APBA1: variants seen among roughly 807,000 people sequenced by gnomAD.
APBA1 encodes the protein amyloid beta precursor protein binding family A member 1.
APBA1 carries 55 observed loss-of-function variants against 86.6 expected under a neutral mutation model. The observed-to-expected ratio is 0.64, with a 90% CI of 0.51 to 0.80. The LOEUF is 0.80. Among genes scored for constraint, APBA1 ranks in the 30% least tolerant of loss-of-function variants. APBA1 has a pLI of 0.00. For synonymous variants in APBA1, 511 were observed against 493.9 expected (o/e 1.03, Z -0.46); for missense variants, 1,090 against 1,183.0 (o/e 0.92, Z 1.15).
rs572458773 is a variant in APBA1 at position 69,552,367 on chromosome 9, G to A, written c.-69-35088C>T. 1.9e-4 allele frequency among the ~76,000 whole-genome samples: 29 copies of A among 152,222 alleles called. 1 individual carries two copies. In the South Asian group the frequency reaches 5.6e-3, roughly 29 times the overall value. ...GCGAATGGAGAGTAATCAGCTAATG[G>A]CTCATTATTTATGTATAAAATGAAG... On this transcript the variant is annotated intron_variant, in intron 1 of 12. Transcript: ENST00000265381.
chr9:69,636,830 AGGGAGGGAGGGAGG>A (rs1427154654), intron 1 of APBA1, among the ~76,000 whole-genome samples: 3 of 5,842 alleles, frequency 5.1e-4, no homozygotes, highest in Admixed American at 2.0e-3. Flanking sequence ...AGAGAGAGAG[AGGGAGGGAGGGAGG>A]GAGGGAGGGA....
rs906284777 is a variant in APBA1 at position 69,476,051 on chromosome 9, T to G, written c.1293A>C (p.Lys431Asn). Reference protein sequence around the residue: ...PSDPVEASTNKESRKSLASFP... With the variant: ...PSDPVEASTNNESRKSLASFP... ...TGGTAACAAAACAGCACCCTACCTCTTTATTAGTGGACGCTTCCACAGGGT... is the reference window on the plus strand; with the variant it reads ...TGGTAACAAAACAGCACCCTACCTCGTTATTAGTGGACGCTTCCACAGGGT... Residue 431 changes from lysine to asparagine, a missense_variant, in exon 3 of 13, where the codon AAA (lysine) becomes AAC (asparagine). By Grantham distance (94) the Lys-to-Asn change is moderately conservative. Coordinates refer to ENST00000265381, the MANE Select transcript of APBA1 (RefSeq NM_001163.4). The G allele has an allele frequency of 1.2e-6, 2 of 1,613,784 alleles. No individual in the cohort carries two copies. Among genetic ancestry groups the G allele is most frequent in the Non-Finnish European group, 1.7e-6 (2 of 1,179,702 alleles).
intron 1 of APBA1, among the ~76,000 whole-genome samples, chr9:69,548,581 T>A (rs1836735390): frequency 6.6e-6 from 1 of 152,170 alleles, no homozygotes; most frequent in Admixed American, 6.5e-5. Context: ...TTCTGACAAA[T>A]TAACGGACTG....
At chr9:69,634,523 G>C (rs1190565614) in intron 1 of APBA1, among the ~76,000 whole-genome samples, 1 of 152,146 alleles carries the variant, frequency 6.6e-6, no homozygotes, top group Non-Finnish European at 1.5e-5. Context: ...CTTAAAATAG[G>C]AGGTAGAGAG....
At chr9:69,668,125 T>A (rs573982238) in intron 1 of APBA1, among the ~76,000 whole-genome samples, 2 of 152,200 alleles carry the variant, frequency 1.3e-5, no homozygotes, top group Admixed American at 1.3e-4. Flanking sequence ...GCTTCTTCTT[T>A]CTTCATTTTC....
chr9:69,653,690 A>G (rs1317504573), intron 1 of APBA1, among the ~76,000 whole-genome samples: 1 of 152,250 alleles, frequency 6.6e-6, no homozygotes, highest in African/African-American at 2.4e-5. Context: ...ATTAAACAAC[A>G]TGCTACTGAA....
chr9:69,477,279 C>T (rs1424459582), intron 2 of APBA1, among the ~76,000 whole-genome samples: 3 of 151,162 alleles, frequency 2.0e-5, no homozygotes, highest in East Asian at 2.0e-4. Context: ...GTGCGCCAGC[C>T]GAAGCAGGGC....
intron 1 of APBA1, among the ~76,000 whole-genome samples, chr9:69,623,246 T>G (rs1564094874): frequency 6.6e-6 from 1 of 152,142 alleles, no homozygotes; most frequent in African/African-American, 2.4e-5. Flanking sequence ...TTTACTGACC[T>G]GAGGCTGCAA....
chr9:69,589,327 C>T (rs1822082647), intron 1 of APBA1, among the ~76,000 whole-genome samples: 1 of 152,184 alleles, frequency 6.6e-6, no homozygotes, highest in South Asian at 2.1e-4. Context: ...ATCACTGTTG[C>T]TTGATTCCAT....
chr9:69,626,580 A>C (rs1822935664), intron 1 of APBA1, among the ~76,000 whole-genome samples: 1 of 152,192 alleles, frequency 6.6e-6, no homozygotes. Flanking sequence ...CTCCTGAAAA[A>C]TATGGAATAG....
intron 8 of APBA1, among the ~76,000 whole-genome samples, chr9:69,454,698 C>T (rs1285608401): frequency 6.6e-6 from 1 of 152,094 alleles, no homozygotes; most frequent in Non-Finnish European, 1.5e-5. Context: ...TCCAAGGGTA[C>T]CCCAAGGAGA....
In APBA1 at chr9:69,452,192, T is replaced by C. The variant is rs1175161016; in HGVS notation, c.1898A>G (p.Asp633Gly). ...PEDLSQKEYS[D>G]LLNTQDMYND... ...GTACATGTCCTGGGTATTGAGCAGG[T>C]CACTATACTCCTTCTGGCTGAGATC... Residue 633 changes from aspartate to glycine, a missense_variant, in exon 9 of 13, where the codon GAC (aspartate) becomes GGC (glycine). Coordinates refer to ENST00000265381, the MANE Select transcript of APBA1 (RefSeq NM_001163.4). The C allele has an allele frequency of 6.2e-7, 1 of 1,614,184 alleles. No individual in the cohort carries two copies. Among genetic ancestry groups the C allele is most frequent in the Non-Finnish European group, 8.5e-7 (1 of 1,180,028 alleles).
intron 1 of APBA1, among the ~76,000 whole-genome samples, chr9:69,644,926 T>C (rs937304658): frequency 3.3e-5 from 5 of 151,918 alleles, no homozygotes; most frequent in Non-Finnish European, 7.4e-5. Flanking sequence ...ATGGCCTAGA[T>C]AGGGCTCTGG....
intron 1 of APBA1, among the ~76,000 whole-genome samples, chr9:69,606,719 C>A (rs1014560864): frequency 2.0e-5 from 3 of 151,942 alleles, no homozygotes; most frequent in Admixed American, 6.6e-5. Context: ...GTCTCAACCT[C>A]CTGACCTCGT....
chr9:69,435,936 C>T (rs1237665057), intron 11 of APBA1, among the ~76,000 whole-genome samples: 1 of 151,972 alleles, frequency 6.6e-6, no homozygotes, highest in Non-Finnish European at 1.5e-5. Flanking sequence ...GTCTTTAATC[C>T]ATCTTGAATT....
intron 1 of APBA1, among the ~76,000 whole-genome samples, chr9:69,580,486 T>C (rs1160952828): frequency 2.6e-5 from 4 of 152,074 alleles, no homozygotes; most frequent in Non-Finnish European, 5.9e-5. Flanking sequence ...TAAAAATCAA[T>C]ATTCCAATGG....
At chr9:69,514,418 C>T (rs2133886466) in intron 2 of APBA1, among the ~76,000 whole-genome samples, 1 of 152,158 alleles carries the variant, frequency 6.6e-6, no homozygotes, top group Middle Eastern at 3.4e-3. Context: ...TGGTGAAACC[C>T]CACTCCTACT....
chr9:69,660,744 A>AT (rs575873475), intron 1 of APBA1, among the ~76,000 whole-genome samples: 76 of 152,334 alleles, frequency 5.0e-4, no homozygotes, highest in African/African-American at 1.8e-3. Context: ...CTCAATAAAT[A>AT]TTTCTTGGGC....
rs1836147543 is a variant in APBA1 at position 69,516,363 on chromosome 9, G to A, written c.848C>T (p.Ser283Leu). The A allele has an allele frequency of 2.5e-6, 4 of 1,600,638 alleles. No homozygotes were observed. The highest frequency in any genetic ancestry group is 2.5e-6 in the Non-Finnish European group (3 of 1,178,220). Residue 283 changes from serine to leucine, a missense_variant, in exon 2 of 13, where the codon TCG becomes TTG. Physicochemically the swap from Ser to Leu is moderately radical, Grantham distance 145. Around this residue, in one of 6 missense-constraint regions of APBA1, gnomAD observed 678 missense variants for 647.1 expected, o/e 1.05. Transcript: ENST00000265381. This position sits in a 1 kb window ranked among gnomAD's most constrained non-coding sequence, Gnocchi z 7.3. Reference sequence around the variant, plus strand: ...CTCGGCTGCCTTGTCGAGGCTCTGCGAGCTCATGCTCTGCTTCACCTCGGC... The same window carrying A: ...CTCGGCTGCCTTGTCGAGGCTCTGCAAGCTCATGCTCTGCTTCACCTCGGC... ...IVAEVKQSMS[S>L]QSLDKAAEDM...
Sources: allele counts gnomAD v4.1 joint callset (sites outside exome capture counted in the v4.1 genomes callset), GRCh38; gene constraint gnomAD v4.1.1; regional missense constraint gnomAD v4.1.1; non-coding constraint Gnocchi (gnomAD v3.1); transcripts MANE v1.5; gene names NCBI Gene and HGNC (gene_info 2026-07-23, HGNC 2026-07-21).